Variants in CYP4Z1 observed in about 807,000 individuals in gnomAD.
The protein encoded by CYP4Z1 is cytochrome P450 4Z1.
A neutral mutation model predicts 54.2 loss-of-function variants in CYP4Z1; 41 were observed. The ratio of observed to expected loss-of-function variants is 0.76; its 90% CI spans 0.59 to 0.98. CYP4Z1 has a LOEUF of 0.98. Ranked by LOEUF, CYP4Z1 falls within the 50% of genes least tolerant of loss-of-function variation. The pLI, the probability that CYP4Z1 is intolerant of heterozygous loss-of-function variation, is 0.00. For missense variants in CYP4Z1, 513 were observed against 599.0 expected, an observed-to-expected ratio of 0.86 and a Z score of 1.50; for synonymous variants, 163 against 206.2, an observed-to-expected ratio of 0.79 and a Z score of 1.79.
intron 9 of CYP4Z1, among the ~76,000 whole-genome samples, chr1:47,109,969 A>C (rs1406386661): frequency 6.6e-6 from 1 of 152,136 alleles, no homozygotes; most frequent in Non-Finnish European, 1.5e-5. Flanking sequence ...TCAATAAAGT[A>C]GGAAATTTTC....
chr1:47,118,146 C>A lies in CYP4Z1; in HGVS notation c.*212C>A. 2.1e-6 allele frequency: 1 copy of A among 471,614 alleles called. No homozygotes were observed. The highest frequency in any genetic ancestry group is 3.7e-6 in the Non-Finnish European group (1 of 273,618). The allele number at this position is 471,614 out of a possible 1,614,324, so 29.2% of individuals were successfully genotyped here. A position where few individuals can be genotyped will look rare whatever the true frequency, so the allele number is the denominator to read the frequency against. ...ACAAAAACACCTGAAAAAACTCAAG[C>A]TGACTTCCACTGCGAAGGGAAATTA... On this transcript the variant is annotated 3_prime_UTR_variant, in exon 12 of 12. Transcript: ENST00000334194.
intron 6 of CYP4Z1, among the ~76,000 whole-genome samples, chr1:47,091,529 C>T (rs1219341622): frequency 6.7e-6 from 1 of 148,974 alleles, no homozygotes; most frequent in Non-Finnish European, 1.5e-5. Context: ...TGTTAGCTAC[C>T]TTTCCTTGCT....
chr1:47,109,211 C>T (rs1319101682), intron 9 of CYP4Z1, among the ~76,000 whole-genome samples: 1 of 151,964 alleles, frequency 6.6e-6, no homozygotes, highest in Non-Finnish European at 1.5e-5. Flanking sequence ...ATTTAACAAA[C>T]AAAAAGAGAG....
At chr1:47,113,932 T>C (rs188028557) in intron 9 of CYP4Z1, among the ~76,000 whole-genome samples, 1 of 152,234 alleles carries the variant, frequency 6.6e-6, no homozygotes, top group East Asian at 1.9e-4. Context: ...CTTCACAGAA[T>C]TGGAAAAAAC....
chr1:47,105,385 C>A (rs571985468), intron 8 of CYP4Z1, among the ~76,000 whole-genome samples: 1 of 152,218 alleles, frequency 6.6e-6, no homozygotes, highest in African/African-American at 2.4e-5. Flanking sequence ...GGAGTAATGT[C>A]TTCATGCAAT....
intron 9 of CYP4Z1, among the ~76,000 whole-genome samples, chr1:47,113,648 A>G (rs975646042): frequency 1.2e-4 from 19 of 152,368 alleles, no homozygotes; most frequent in African/African-American, 4.6e-4. Context: ...TTATACACCA[A>G]TAACAGGCAA....
In CYP4Z1 at chr1:47,118,168, A is replaced by C. The variant is rs757456415; in HGVS notation, c.*234A>C. 1 of 412,678 alleles carries C rather than the reference A, an allele frequency of 2.4e-6. No individual in the cohort carries two copies. The allele number at this position is 412,678 out of a possible 1,614,324, so 25.6% of individuals were successfully genotyped here. The stretch of plus-strand genomic sequence containing the variant: ...AAGCTGACTTCCACTGCGAAGGGAA[A>C]TTATTGGTTTGTGTAACTAGTGGTA... On this transcript the variant is annotated 3_prime_UTR_variant, in exon 12 of 12. Coordinates refer to ENST00000334194, the MANE Select transcript of CYP4Z1 (RefSeq NM_178134.3).
chr1:47,103,686 C>A (rs1644737404), intron 8 of CYP4Z1, among the ~76,000 whole-genome samples: 1 of 151,278 alleles, frequency 6.6e-6, no homozygotes, highest in South Asian at 2.1e-4. Context: ...TCTCCACCTC[C>A]CGGGTTCAAG....
chr1:47,091,308 G>A (rs1644636654), intron 6 of CYP4Z1, among the ~76,000 whole-genome samples: 1 of 143,132 alleles, frequency 7.0e-6, no homozygotes, highest in African/African-American at 2.8e-5. Flanking sequence ...TTAGCTGCCT[G>A]ATCAGCTAAC....
chr1:47,078,897 G>A (rs984065123), intron 2 of CYP4Z1, among the ~76,000 whole-genome samples: 2 of 150,762 alleles, frequency 1.3e-5, no homozygotes, highest in African/African-American at 4.9e-5. Context: ...CCTGTTATAT[G>A]TGAGAACTTT....
chr1:47,103,967 G>A (rs1462778395), intron 8 of CYP4Z1, among the ~76,000 whole-genome samples: 3 of 152,032 alleles, frequency 2.0e-5, no homozygotes, highest in Non-Finnish European at 4.4e-5. Flanking sequence ...CTTTTTGATT[G>A]GGATATGTTG....
chr1:47,116,988 C>T (rs1248606046), intron 11 of CYP4Z1, among the ~76,000 whole-genome samples: 1 of 152,092 alleles, frequency 6.6e-6, no homozygotes, highest in African/African-American at 2.4e-5. Context: ...CATGACAGGC[C>T]CAAAGACTAC....
chr1:47,057,173 T>A, the CYP4Z1 span, among the ~76,000 whole-genome samples: 1 of 151,346 alleles, frequency 6.6e-6, no homozygotes, highest in Admixed American at 6.6e-5. Context: ...TCTCCTTCTC[T>A]TATGAAGCTT....
At chr1:47,113,621 G>A (rs1227753759) in intron 9 of CYP4Z1, among the ~76,000 whole-genome samples, 1 of 151,912 alleles carries the variant, frequency 6.6e-6, no homozygotes, top group African/African-American at 2.4e-5. Flanking sequence ...GTATTTTATT[G>A]AGGATCACAA....
chr1:47,107,638 T>G (rs1644766051), intron 9 of CYP4Z1, among the ~76,000 whole-genome samples: 2 of 151,700 alleles, frequency 1.3e-5, no homozygotes, highest in South Asian at 4.1e-4. Context: ...AAGCTCTGGT[T>G]TTTTTCAACA....
At chr1:47,082,676 G>A (rs1644563627) in intron 4 of CYP4Z1, among the ~76,000 whole-genome samples, 1 of 151,836 alleles carries the variant, frequency 6.6e-6, no homozygotes, top group African/African-American at 2.4e-5. Flanking sequence ...GGTGCTCAAT[G>A]AGAAGTAGCT....
chr1:47,111,340 C>G lies in CYP4Z1; in HGVS notation c.1202-4189C>G, dbSNP rs140679847. Among the ~76,000 whole-genome samples, 873 of 152,260 alleles carry G rather than the reference C, an allele frequency of 5.7e-3. 4 individuals carry two copies. Among genetic ancestry groups the G allele is most frequent in the Non-Finnish European group, 8.3e-3 (565 of 68,024 alleles). On this transcript the variant is annotated intron_variant, in intron 9 of 11. Transcript: ENST00000334194. ...CTGGAACTACAGGCGCATGTCACCA[C>G]GCCTGGCTAATTTTTTGTATTTTTA...
chr1:47,110,923 T>A (rs1644788160), intron 9 of CYP4Z1, among the ~76,000 whole-genome samples: 2 of 151,604 alleles, frequency 1.3e-5, no homozygotes, highest in South Asian at 2.1e-4. Context: ...TAGCAATATG[T>A]GGATTAATCA....
At chr1:47,102,475 T>G (rs1235960576) in intron 8 of CYP4Z1, among the ~76,000 whole-genome samples, 1 of 152,198 alleles carries the variant, frequency 6.6e-6, no homozygotes, top group African/African-American at 2.4e-5. Flanking sequence ...TATCATTCTG[T>G]TACTTCTGGG....
Sources: allele counts gnomAD v4.1 joint callset (sites outside exome capture counted in the v4.1 genomes callset), GRCh38; gene constraint gnomAD v4.1.1; transcripts MANE v1.5; gene names NCBI Gene and HGNC (gene_info 2026-07-23, HGNC 2026-07-21).